KRABD4: variants seen among roughly 807,000 people sequenced by gnomAD.
KRABD4 encodes the protein KRAB domain-containing protein 4.
the KRABD4 span, chrX:46,463,266 G>T: frequency 9.1e-6 from 11 of 1,211,995 alleles, no homozygotes; most frequent in Non-Finnish European, 1.2e-5. Flanking sequence ...GATGGCAGAT[G>T]GGGGGACCCC....
chrX:46,472,806 C>T, the KRABD4 span: 2 of 1,211,424 alleles, frequency 1.7e-6, no homozygotes, highest in Non-Finnish European at 2.2e-6. Context: ...AGACAAACTT[C>T]CTTGGCAAGC....
the KRABD4 span, chrX:46,450,462 T>G: frequency 8.3e-7 from 1 of 1,209,364 alleles, no homozygotes; most frequent in Non-Finnish European, 1.1e-6. Flanking sequence ...CAGAACAGGA[T>G]GGCCATGTCC....
At chrX:46,462,415 C>T in the KRABD4 span, 1 of 229,153 alleles carries the variant, frequency 4.4e-6, no homozygotes, top group African/African-American at 2.9e-5. Flanking sequence ...GAGGCTGAGG[C>T]AGGAGAATCG....
the KRABD4 span, chrX:46,457,263 T>C: frequency 1.1e-5 from 2 of 184,716 alleles, no homozygotes; most frequent in Admixed American, 1.6e-4. Context: ...TTAATGAAGA[T>C]GGGAAACCTA....
At chrX:46,473,097 A>G in the KRABD4 span, 4 of 1,194,439 alleles carry the variant, frequency 3.3e-6, no homozygotes, top group Non-Finnish European at 4.5e-6. Flanking sequence ...ACCCTAATCA[A>G]CGAGGGAAAG....
At chrX:46,450,018 A>T in the KRABD4 span, among the ~76,000 whole-genome samples, 1 of 111,299 alleles carries the variant, frequency 9.0e-6, no homozygotes, top group African/African-American at 3.3e-5. Flanking sequence ...CAGCCTCCCA[A>T]AGTGCTGGGA....
At chrX:46,457,214 C>T in the KRABD4 span, 25 of 224,174 alleles carry the variant, frequency 1.1e-4, no homozygotes, top group African/African-American at 7.3e-4. Context: ...TCTGCCATGC[C>T]ACCCACTTCA....
chrX:46,455,081 C>G, the KRABD4 span: 1 of 437,915 alleles, frequency 2.3e-6, no homozygotes, highest in Non-Finnish European at 3.8e-6. Context: ...TTTCCTGTAT[C>G]TGAATTCATT....
the KRABD4 span, among the ~76,000 whole-genome samples, chrX:46,447,994 C>T: frequency 9.0e-6 from 1 of 111,480 alleles, no homozygotes; most frequent in African/African-American, 3.3e-5. Context: ...AGCAGTCAGT[C>T]AGTTGATTCC....
At chrX:46,453,719 T>C in the KRABD4 span, among the ~76,000 whole-genome samples, 1 of 112,243 alleles carries the variant, frequency 8.9e-6, no homozygotes, top group African/African-American at 3.2e-5. Context: ...AGTTATTAAC[T>C]GCAAGAATAC....
chrX:46,456,852 G>A, the KRABD4 span: 85 of 437,891 alleles, frequency 1.9e-4, no homozygotes, highest in Admixed American at 4.6e-4. Context: ...GGTATGTAAT[G>A]AGTTGAGTCG....
At chrX:46,463,919 A>G in the KRABD4 span, among the ~76,000 whole-genome samples, 281 of 109,640 alleles carry the variant, frequency 2.6e-3, 4 homozygotes, top group South Asian at 0.033. Flanking sequence ...ACCTCACACC[A>G]TTTTCTGTTT....
chrX:46,457,101 CAA>C, the KRABD4 span: 28 of 381,706 alleles, frequency 7.3e-5, no homozygotes, highest in Non-Finnish European at 1.0e-4. Context: ...TTTTTGGTGA[CAA>C]AGAACATATT....
At chrX:46,470,194 G>A in the KRABD4 span, among the ~76,000 whole-genome samples, 13 of 110,958 alleles carry the variant, frequency 1.2e-4, no homozygotes, top group African/African-American at 2.0e-4. Context: ...GACAAATCTC[G>A]TGTATTCTAC....
At chrX:46,457,074 C>T in the KRABD4 span, 11 of 366,664 alleles carry the variant, frequency 3.0e-5, 1 homozygote, top group Non-Finnish European at 4.4e-5. Flanking sequence ...GTTGTCCCTC[C>T]GTGGCGCATT....
At chrX:46,472,730 A>T in the KRABD4 span, 1 of 1,202,807 alleles carries the variant, frequency 8.3e-7, no homozygotes, top group Non-Finnish European at 1.1e-6. Flanking sequence ...AAGTTTGATG[A>T]TTCATTCATT....
chrX:46,455,698 A>G, the KRABD4 span: 2 of 382,773 alleles, frequency 5.2e-6, no homozygotes, highest in Non-Finnish European at 9.5e-6. Flanking sequence ...TGCAAGTTGT[A>G]CACTGCTGTG....
chrX:46,473,695 T>TGC, the KRABD4 span: 1 of 220,112 alleles, frequency 4.5e-6, no homozygotes, highest in Non-Finnish European at 8.0e-6. Flanking sequence ...TGCTCTGTCA[T>TGC]CCAAACTGGA....
the KRABD4 span, among the ~76,000 whole-genome samples, chrX:46,452,133 T>C: frequency 9.0e-6 from 1 of 111,454 alleles, no homozygotes; most frequent in African/African-American, 3.3e-5. Context: ...TTTGTAGAGA[T>C]GGAGTTTTGC....
Sources: allele counts gnomAD v4.1 joint callset (sites outside exome capture counted in the v4.1 genomes callset), GRCh38; gene constraint gnomAD v4.1.1; transcripts MANE v1.5; gene names NCBI Gene and HGNC (gene_info 2026-07-23, HGNC 2026-07-21).